PTPDC1: variants seen among roughly 807,000 people sequenced by gnomAD.
PTPDC1 encodes the protein protein tyrosine phosphatase domain containing 1, also known as protein tyrosine phosphatase domain-containing protein 1.
A neutral mutation model predicts 75.3 loss-of-function variants in PTPDC1; 53 were observed. The ratio of observed to expected loss-of-function variants is 0.70; its 90% confidence interval spans 0.56 to 0.88. PTPDC1 has a LOEUF of 0.88. Ranked by LOEUF, PTPDC1 falls within the 40% of genes least tolerant of loss-of-function variation. The pLI is 0.00. For missense variants in PTPDC1, 925 were observed against 998.6 expected (o/e 0.93, Z 0.99); for synonymous variants, 349 against 366.2 (o/e 0.95, Z 0.54).
chr9:94,059,760 A>G (rs1826070786), intron 1 of PTPDC1, among the ~76,000 whole-genome samples: 1 of 152,106 alleles, frequency 6.6e-6, no homozygotes, highest in South Asian at 2.1e-4. Context: ...GGAGACTTTT[A>G]TTTTTCATTC....
intron 1 of PTPDC1, among the ~76,000 whole-genome samples, chr9:94,035,767 T>C (rs1825244393): frequency 6.6e-6 from 1 of 152,228 alleles, no homozygotes; most frequent in South Asian, 2.1e-4. Flanking sequence ...TTTTCTGTAA[T>C]GGCTATACCA....
rs1230883813 is a variant in PTPDC1, at chr9:94,064,430, C to T, written c.-6-304C>T. On this transcript the variant is annotated intron_variant, in intron 1 of 9. Transcript: ENST00000375360. Reference sequence around the variant, plus strand: ...TTGACATCTAAGAAGATTTAATTAACTTTTCTCAATGGAAACTGTATCATT... The same window carrying T: ...TTGACATCTAAGAAGATTTAATTAATTTTTCTCAATGGAAACTGTATCATT... Among the ~76,000 whole-genome samples, 2 of 152,184 alleles carry T rather than the reference C, an allele frequency of 1.3e-5. 1 individual carries two copies. Among genetic ancestry groups the T allele is most frequent in the Non-Finnish European group, 2.9e-5 (2 of 68,030 alleles).
intron 1 of PTPDC1, among the ~76,000 whole-genome samples, chr9:94,050,601 T>C (rs575522033): frequency 2.7e-4 from 41 of 152,342 alleles, no homozygotes; most frequent in Admixed American, 9.1e-4. Context: ...TACCCGACCA[T>C]GTGAGGTGTC....
chr9:94,030,867 C>G (rs987789776), exon 1 of PTPDC1: 6 of 152,154 alleles, frequency 3.9e-5, no homozygotes, highest in African/African-American at 1.4e-4. Flanking sequence ...GCAGCCCAGG[C>G]GCTCGCCCCA....
At chr9:94,063,845 A>T (rs1452027068) in intron 1 of PTPDC1, among the ~76,000 whole-genome samples, 2 of 152,208 alleles carry the variant, frequency 1.3e-5, no homozygotes, top group Non-Finnish European at 2.9e-5. Context: ...TAAAATTCAT[A>T]GCCATTTAAT....
chr9:94,057,967 A>G (rs1210386081), intron 1 of PTPDC1, among the ~76,000 whole-genome samples: 1 of 152,200 alleles, frequency 6.6e-6, no homozygotes, highest in Non-Finnish European at 1.5e-5. Context: ...AACATATATA[A>G]TAAAATATCT....
At position 94,104,364 on chromosome 9, in the gene PTPDC1, T is replaced by C; in HGVS notation, c.2289T>C (p.His763=). ...ATGTGGAGGAAGCTTTCCTTGCCCA[T>C]GCCATTAAGGCATTCACTAAGGTGG... ...PVDVEEAFLA[H]AIKAFTKVNF... The change falls in exon 8 of 9, where the codon CAT becomes CAC. Residue 763 remains histidine, a synonymous_variant. Transcript: ENST00000620992. 6.2e-7 allele frequency: 1 copy of C among 1,613,458 alleles called. No individual in the cohort carries two copies. The highest frequency in any genetic ancestry group is 1.3e-5 in the African/African-American group (1 of 75,066).
intron 1 of PTPDC1, among the ~76,000 whole-genome samples, chr9:94,040,894 T>G (rs140353279): frequency 2.0e-5 from 3 of 152,290 alleles, no homozygotes; most frequent in Admixed American, 2.0e-4. Context: ...CTGTCATCAT[T>G]GCTATTATTT....
chr9:94,064,025 AT>A (rs1826221688), intron 1 of PTPDC1, among the ~76,000 whole-genome samples: 2 of 152,192 alleles, frequency 1.3e-5, no homozygotes, highest in Non-Finnish European at 2.9e-5. Context: ...ATGTGCTTGC[AT>A]TTTATGGAAA....
At chr9:94,031,976 A>G (rs747340777) in intron 1 of PTPDC1, among the ~76,000 whole-genome samples, 67 of 152,268 alleles carry the variant, frequency 4.4e-4, no homozygotes, top group Non-Finnish European at 7.9e-4. Context: ...ACGTACAGGT[A>G]CATACATATA....
At chr9:94,036,019 A>C (rs940999547) in intron 1 of PTPDC1, among the ~76,000 whole-genome samples, 1 of 74,050 alleles carries the variant, frequency 1.4e-5, no homozygotes, top group Admixed American at 1.4e-4. Context: ...TAATCGGATT[A>C]TTTGTTTTTT....
rs1357402449 is a variant in PTPDC1, at chr9:94,040,952, G to A, written c.-7+9825G>A. On this transcript the variant is annotated intron_variant, in intron 1 of 9. Coordinates refer to the PTPDC1 transcript ENST00000375360. ...GATACTTTATATCAGTGGCCTACCT[G>A]AACAAGTTCTCCTTCACCATGTCCA... Among the ~76,000 whole-genome samples the A allele has an allele frequency of 2.0e-5, 3 of 152,144 alleles. No homozygotes were observed. In the South Asian group the frequency reaches 6.2e-4, roughly 32 times the overall value.
chr9:94,096,529 A>G (rs1349282003), intron 5 of PTPDC1, among the ~76,000 whole-genome samples: 1 of 152,082 alleles, frequency 6.6e-6, no homozygotes, highest in East Asian at 1.9e-4. Flanking sequence ...ATATTAATTG[A>G]CTGTTATATT....
intron 6 of PTPDC1, chr9:94,100,266 A>G (rs1208342571): frequency 6.6e-6 from 1 of 152,308 alleles, no homozygotes; most frequent in Non-Finnish European, 1.5e-5. Context: ...ACTTTCCATT[A>G]TCCCAAGATT....
chr9:94,045,000 C>G (rs1396706204), intron 1 of PTPDC1, among the ~76,000 whole-genome samples: 1 of 95,870 alleles, frequency 1.0e-5, no homozygotes, highest in Non-Finnish European at 2.0e-5. Flanking sequence ...CCCCTCCCCC[C>G]ACCCCACAAC....
intron 2 of PTPDC1, among the ~76,000 whole-genome samples, chr9:94,078,989 A>C (rs1826788524): frequency 6.6e-6 from 1 of 152,212 alleles, no homozygotes; most frequent in African/African-American, 2.4e-5. Context: ...CCTCTCTAAC[A>C]GATAGTGTCT....
chr9:94,070,397 C>G (rs1256135566), intron 2 of PTPDC1, among the ~76,000 whole-genome samples: 1 of 152,144 alleles, frequency 6.6e-6, no homozygotes, highest in Non-Finnish European at 1.5e-5. Flanking sequence ...CTGGATGACC[C>G]TTGCTTAGGC....
At chr9:94,051,256 C>G (rs1825783630) in intron 1 of PTPDC1, among the ~76,000 whole-genome samples, 1 of 152,170 alleles carries the variant, frequency 6.6e-6, no homozygotes, top group Admixed American at 6.5e-5. Context: ...TGAGATGAAC[C>G]CAGTACCTCA....
At chr9:94,041,500 G>A (rs866241063) in intron 1 of PTPDC1, among the ~76,000 whole-genome samples, 3 of 152,116 alleles carry the variant, frequency 2.0e-5, no homozygotes, top group African/African-American at 2.4e-5. Context: ...ACTTGGATCC[G>A]TGGTAGACCT....
Sources: gnomAD v4.1 joint callset for allele counts (sites outside exome capture counted in the v4.1 genomes callset) on GRCh38, gnomAD v4.1.1 for gene constraint, MANE v1.5 for transcripts, NCBI Gene and HGNC (gene_info 2026-07-23, HGNC 2026-07-21) for gene names.